Variants in LSM8 observed in about 807,000 individuals in gnomAD.
The protein encoded by LSM8 is LSM8 homolog, U6 small nuclear RNA associated.
Under a neutral mutation model 15.0 loss-of-function variants are expected in LSM8, and 14 were observed. That is an observed-to-expected ratio of 0.93 (90% confidence interval 0.62 to 1.46). The LOEUF is 1.46. Ranked by LOEUF, LSM8 falls within the 40% of genes most tolerant of loss-of-function variation. The pLI, the probability that LSM8 is intolerant of heterozygous loss-of-function variation, is 0.00. For missense variants in LSM8, 90 were observed against 115.4 expected (o/e 0.78, Z 1.01); for synonymous variants, 50 against 42.1 (o/e 1.19, Z -0.73).
Position 118,188,395 on chromosome 7 carries a change from G to A in LSM8, c.190G>A (p.Gly64Ser). ...GGTACTAGGATTATACATTGTAAGA[G>A]GTGACAACGTGTAAGTAAAATATAT... ...QVVLGLYIVRGDNVAVIGEID... is the reference protein window; with the variant it reads ...QVVLGLYIVRSDNVAVIGEID... The change falls in exon 3 of 4, where the codon GGT becomes AGT. Residue 64 changes from glycine to serine, a missense_variant. Physicochemically the swap from Gly to Ser is moderately conservative, Grantham distance 56. Coordinates refer to ENST00000249299, the MANE Select transcript of LSM8 (RefSeq NM_016200.5). 6.2e-7 allele frequency: 1 copy of A among 1,611,190 alleles called. No individual in the cohort carries two copies. Among genetic ancestry groups the A allele is most frequent in the Non-Finnish European group, 8.5e-7 (1 of 1,178,408 alleles).
Position 118,199,256 on chromosome 7 carries a change from T to TAAAATTTTCATTG in LSM8, c.*7261_*7273dup, listed in dbSNP as rs1471457943. On this transcript the variant is annotated 3_prime_UTR_variant, in exon 4 of 4. Coordinates refer to ENST00000249299, the MANE Select transcript of LSM8 (RefSeq NM_016200.5). ...GGGGACCCCCAACTCACTATCTAAA[T>TAAAATTTTCATTG]AAAATTTTCATTGAAAATTAGTGAG... 5.6e-4 allele frequency among the ~76,000 whole-genome samples: 86 copies of TAAAATTTTCATTG among 152,298 alleles called. No homozygotes were observed. The highest frequency in any genetic ancestry group is 2.0e-3 in the African/African-American group (82 of 41,568).
rs1809007720 is a variant in LSM8, at chr7:118,192,841, T to G, written c.*839T>G. ...TTTGTATTGAAGTAGTGCTAGCTAT[T>G]ATTGTCAGCAATTTTCCATGATTCA... On this transcript the variant is annotated 3_prime_UTR_variant, in exon 4 of 4. Coordinates refer to ENST00000249299, the MANE Select transcript of LSM8 (RefSeq NM_016200.5). The G allele has an allele frequency of 6.6e-6, 1 of 152,162 alleles. No homozygotes were observed. Among genetic ancestry groups the G allele is most frequent in the Non-Finnish European group, 1.5e-5 (1 of 67,996 alleles). The allele number at this position is 152,162 out of a possible 1,614,324, so 9.4% of individuals were successfully genotyped here.
rs1809189846 is a variant in LSM8 at position 118,202,723 on chromosome 7, A to T, written c.*10721A>T. ...AAATAAAAAAAGGGTTGCTGTTAGG[A>T]AAAAGAGAAGAATGGGGATGGGGTG... On this transcript the variant is annotated 3_prime_UTR_variant, in exon 4 of 4. Coordinates refer to ENST00000249299, the MANE Select transcript of LSM8 (RefSeq NM_016200.5). 7.1e-6 allele frequency among the ~76,000 whole-genome samples: 1 copy of T among 140,072 alleles called. No individual in the cohort carries two copies. Among genetic ancestry groups the T allele is most frequent in the Admixed American group, 7.4e-5 (1 of 13,466 alleles). The allele number at this position is 140,072 out of a possible 152,430, so 91.9% of individuals were successfully genotyped here. A position where few individuals can be genotyped will look rare whatever the true frequency, so the allele number is the denominator to read the frequency against.
Position 118,195,616 on chromosome 7 carries a change from A to AAG in LSM8, c.*3615_*3616dup, listed in dbSNP as rs1363529865. ...CTATGTCAGCGAATATTCTTGACTC[A>AAG]AGGAGTTTGAAAGTGTAAACTCAAA... On this transcript the variant is annotated 3_prime_UTR_variant, in exon 4 of 4. Transcript: ENST00000249299. Among the ~76,000 whole-genome samples, 2 of 152,192 alleles carry AAG rather than the reference A, an allele frequency of 1.3e-5. No individual in the cohort carries two copies. The highest frequency in any genetic ancestry group is 2.9e-5 in the Non-Finnish European group (2 of 68,032).
At chr7:118,186,621 G>A (rs1293128958) in intron 2 of LSM8, among the ~76,000 whole-genome samples, 1 of 152,162 alleles carries the variant, frequency 6.6e-6, no homozygotes, top group Non-Finnish European at 1.5e-5. Context: ...TGAAGAATAA[G>A]TACCCCTGTA....
In LSM8 at chr7:118,197,334, A is replaced by T. The variant is rs572843142; in HGVS notation, c.*5332A>T. Reference sequence around the variant, plus strand: ...GGGGAGACAACTCCAGGGACACAATACATTGTGTCTTGTATTAAAAACTAG... The same window carrying T: ...GGGGAGACAACTCCAGGGACACAATTCATTGTGTCTTGTATTAAAAACTAG... On this transcript the variant is annotated 3_prime_UTR_variant, in exon 4 of 4. Coordinates refer to ENST00000249299, the MANE Select transcript of LSM8 (RefSeq NM_016200.5). 1.3e-5 allele frequency among the ~76,000 whole-genome samples: 2 copies of T among 152,214 alleles called. No individual in the cohort carries two copies. The highest frequency in any genetic ancestry group is 2.9e-5 in the Non-Finnish European group (2 of 68,022).
At chr7:118,184,348 G>A (rs1399387078) in intron 1 of LSM8, 94 bp downstream of exon 1, 4 of 1,341,528 alleles carry the variant, frequency 3.0e-6, no homozygotes, top group Non-Finnish European at 3.9e-6. Context: ...GGCCTCGGCG[G>A]GATCCTGGGG....
At chr7:118,185,253 GTTT>G in intron 1 of LSM8, 1 of 142,756 alleles carries the variant, frequency 7.0e-6, no homozygotes, top group Admixed American at 7.0e-5. Flanking sequence ...CTTTTTTTAA[GTTT>G]TTTTTTTTTT....
chr7:118,188,250 CTT>C, intron 2 of LSM8, 26 bp from the exon 3 acceptor site: 1 of 1,609,576 alleles, frequency 6.2e-7, no homozygotes, highest in South Asian at 1.1e-5. Flanking sequence ...GAATATTTCT[CTT>C]TTTCTCCTGA....
In LSM8 at chr7:118,195,007, A is replaced by G. The variant is rs905789314; in HGVS notation, c.*3005A>G. Among the ~76,000 whole-genome samples the G allele has an allele frequency of 2.0e-5, 3 of 152,170 alleles. No homozygotes were observed. The highest frequency in any genetic ancestry group is 3.8e-4 in the East Asian group (2 of 5,196). On this transcript the variant is annotated 3_prime_UTR_variant, in exon 4 of 4. Transcript: ENST00000249299. The stretch of plus-strand genomic sequence containing the variant: ...TATACAATACTGCCTGTTATCAGAA[A>G]GTATAGTCTTAAAATCTGCTATCAA...
At position 118,188,357 on chromosome 7, in the gene LSM8, G is replaced by A; in HGVS notation, c.152G>A (p.Gly51Glu). 1 of 1,613,306 alleles carries A rather than the reference G, an allele frequency of 6.2e-7. No individual in the cohort carries two copies. The highest frequency in any genetic ancestry group is 1.1e-5 in the South Asian group (1 of 91,060). The change falls in exon 3 of 4, where the codon GGG becomes GAG. Residue 51 changes from glycine (G) to glutamate (E), a missense_variant. Physicochemically the swap from Gly to Glu is moderately conservative, Grantham distance 98. Coordinates refer to ENST00000249299, the MANE Select transcript of LSM8 (RefSeq NM_016200.5). ...GAACGAGTATTCAGCTCTTCACAGG[G>A]GGTAGAACAAGTGGTACTAGGATTA... ...SHERVFSSSQ[G>E]VEQVVLGLYI...
At position 118,192,552 on chromosome 7, in the gene LSM8, C is replaced by T. The variant is rs1011243705; in HGVS notation, c.*550C>T. 6.6e-6 allele frequency: 1 copy of T among 152,040 alleles called. No homozygotes were observed. Among genetic ancestry groups the T allele is most frequent in the Non-Finnish European group, 1.5e-5 (1 of 67,992 alleles). 9.4% of individuals were successfully genotyped at this position (152,040 alleles called of 1,614,324 possible). A position where few individuals can be genotyped will look rare whatever the true frequency, so the allele number is the denominator to read the frequency against. Reference sequence around the variant, plus strand: ...TGCTTGAGAAAAGCAAAAATGCTAACAAGGTTTTGATAGATTGGCCCAAAA... The same window carrying T: ...TGCTTGAGAAAAGCAAAAATGCTAATAAGGTTTTGATAGATTGGCCCAAAA... On this transcript the variant is annotated 3_prime_UTR_variant, in exon 4 of 4. Coordinates refer to ENST00000249299, the MANE Select transcript of LSM8 (RefSeq NM_016200.5).
At chr7:118,185,960 TTTC>T (rs1231421483) in intron 2 of LSM8, among the ~76,000 whole-genome samples, 2 of 152,202 alleles carry the variant, frequency 1.3e-5, no homozygotes, top group Non-Finnish European at 2.9e-5. Context: ...TAAACTTACT[TTTC>T]TTCTTCCATT....
In LSM8 at chr7:118,198,451, C is replaced by CTTT. The variant is rs760710596; in HGVS notation, c.*6450_*6451insTTT. ...CAACTCATTAGTAATCCTTCATTTC[C>CTTT]TGAGTATTTACTGCATGACAGTAAC... On this transcript the variant is annotated 3_prime_UTR_variant, in exon 4 of 4. Transcript: ENST00000249299. Among the ~76,000 whole-genome samples, 803 of 152,152 alleles carry CTTT rather than the reference C, an allele frequency of 5.3e-3. 23 individuals carry two copies. The East Asian group carries it at 0.083, about 16-fold the overall frequency.
rs1809103314 is a variant in LSM8 at position 118,197,604 on chromosome 7, T to G, written c.*5602T>G. 6.6e-6 allele frequency among the ~76,000 whole-genome samples: 1 copy of G among 152,000 alleles called. No individual in the cohort carries two copies. The highest frequency in any genetic ancestry group is 6.5e-5 in the Admixed American group (1 of 15,288). ...AAAAGTTAAATTTTTTATTTTAAAA[T>G]TTAAATTTTTATTTTAAAAAATAGC... On this transcript the variant is annotated 3_prime_UTR_variant, in exon 4 of 4. Coordinates refer to ENST00000249299, the MANE Select transcript of LSM8 (RefSeq NM_016200.5).
At position 118,194,600 on chromosome 7, in the gene LSM8, A is replaced by G. The variant is rs1041272213; in HGVS notation, c.*2598A>G. On this transcript the variant is annotated 3_prime_UTR_variant, in exon 4 of 4. Transcript: ENST00000249299. ...TAAGGTAATAATGTGAGATATAAGTATGATAAAAACAACTTTTAAATGGTA... is the reference window on the plus strand; with the variant it reads ...TAAGGTAATAATGTGAGATATAAGTGTGATAAAAACAACTTTTAAATGGTA... Among the ~76,000 whole-genome samples, 4 of 152,214 alleles carry G rather than the reference A, an allele frequency of 2.6e-5. No homozygotes were observed. Among genetic ancestry groups the G allele is most frequent in the African/African-American group, 9.6e-5 (4 of 41,458 alleles).
rs1464619362 is a variant in LSM8 at position 118,197,765 on chromosome 7, G to A, written c.*5763G>A. Among the ~76,000 whole-genome samples, 1 of 152,118 alleles carries A rather than the reference G, an allele frequency of 6.6e-6. No homozygotes were observed. The highest frequency in any genetic ancestry group is 2.4e-5 in the African/African-American group (1 of 41,418). ...TAGGGTCTTGGGCTAGTCCAGTGTA[G>A]CATGGCAGTGAAAGGCACAGACTCT... On this transcript the variant is annotated 3_prime_UTR_variant, in exon 4 of 4. Coordinates refer to ENST00000249299, the MANE Select transcript of LSM8 (RefSeq NM_016200.5).
intron 3 of LSM8, chr7:118,188,959 GA>G (rs1562861711): frequency 6.6e-6 from 1 of 152,294 alleles, no homozygotes; most frequent in Non-Finnish European, 1.5e-5. Flanking sequence ...GTTTACTTGG[GA>G]CAGACAGATA....
At chr7:118,185,862 A>G (rs1189360137) in intron 2 of LSM8, among the ~76,000 whole-genome samples, 168 bp downstream of exon 2, 1 of 152,190 alleles carries the variant, frequency 6.6e-6, no homozygotes, top group Non-Finnish European at 1.5e-5. Context: ...TTTCCTCACT[A>G]ATAAACATTG....
Sources: gnomAD v4.1 joint callset for allele counts (sites outside exome capture counted in the v4.1 genomes callset) on GRCh38, gnomAD v4.1.1 for gene constraint, MANE v1.5 for transcripts, NCBI Gene and HGNC (gene_info 2026-07-23, HGNC 2026-07-21) for gene names.